The following KERA variants were observed in gnomAD, a reference collection of about 807,000 sequenced individuals.
The protein encoded by KERA is keratocan, also known as keratan sulfate proteoglycan keratocan.
Under a neutral mutation model 26.4 loss-of-function variants are expected in KERA, and 25 were observed. That is an observed-to-expected ratio of 0.95 (90% confidence interval 0.69 to 1.32). KERA has a LOEUF of 1.32. Among genes scored for constraint, KERA ranks in the 40% most tolerant of loss-of-function variants. KERA has a pLI of 0.00. For synonymous variants in KERA, 167 were observed against 146.1 expected (o/e 1.14, Z -1.03); for missense variants, 434 against 408.9 (o/e 1.06, Z -0.53).
rs1488458476 is a variant in KERA at position 91,056,013 on chromosome 12, G to A, written c.269C>T (p.Pro90Leu). The A allele has an allele frequency of 1.9e-6, 3 of 1,610,172 alleles. No homozygotes were observed. Among genetic ancestry groups the A allele is most frequent in the South Asian group, 1.1e-5 (1 of 90,874 alleles). ...NNLIETIPEK[P>L]FENATQLRWI... is the part of the protein sequence containing the mutation. Reference sequence around the variant, plus strand: ...TCTTAGCTGGGTGGCATTCTCAAATGGCTTTTCAGGAATGGTTTCTATCAG... The same window carrying A: ...TCTTAGCTGGGTGGCATTCTCAAATAGCTTTTCAGGAATGGTTTCTATCAG... Residue 90 changes from proline (P) to leucine (L), a missense_variant, in exon 2 of 3, where the codon CCA becomes CTA. Physicochemically the swap from Pro to Leu is moderately conservative, Grantham distance 98. Coordinates refer to ENST00000266719, the MANE Select transcript of KERA (RefSeq NM_007035.4).
At chr12:91,055,361 C>T (rs1267268327) in intron 2 of KERA, 35 bp downstream of exon 2, 1 of 1,567,856 alleles carries the variant, frequency 6.4e-7, no homozygotes, top group East Asian at 2.2e-5. Context: ...GACCATGAGC[C>T]CTTTAGTCAA....
chr12:91,053,319 T>A (rs1031891050), intron 2 of KERA, among the ~76,000 whole-genome samples: 4 of 151,386 alleles, frequency 2.6e-5, no homozygotes, highest in African/African-American at 9.7e-5. Context: ...TTTTTAAAAA[T>A]TTGTATTCAT....
Position 91,055,724 on chromosome 12 carries a change from G to A in KERA, c.558C>T (p.Asp186=), listed in dbSNP as rs762249896. ...TGAGATTCTTGAGTCCTTTAAAAGT[G>A]TCTCTTTGAAAGGCATTGTCCACTA... ...NKLVDNAFQR[D]TFKGLKNLMQ... is the part of the protein sequence containing the mutation. Residue 186 remains aspartate, a synonymous_variant, in exon 2 of 3, where the codon GAC becomes GAT. Transcript: ENST00000266719. 19 of 1,611,394 alleles carry A rather than the reference G, an allele frequency of 1.2e-5. No individual in the cohort carries two copies. The highest frequency in any genetic ancestry group is 1.6e-5 in the Non-Finnish European group (19 of 1,178,232).
intron 1 of KERA, among the ~76,000 whole-genome samples, chr12:91,057,221 A>G (rs1037311570): frequency 3.3e-5 from 5 of 150,356 alleles, no homozygotes; most frequent in African/African-American, 1.2e-4. Context: ...TGGATAATGG[A>G]AAGTAGGTTA....
rs138832075 is a variant in KERA, at chr12:91,055,952, G to A, written c.330C>T (p.Tyr110=). The A allele has an allele frequency of 1.1e-4, 182 of 1,610,948 alleles. No individual in the cohort carries two copies. Among genetic ancestry groups the A allele is most frequent in the African/African-American group, 1.1e-3 (82 of 74,714 alleles). The change falls in exon 2 of 3, where the codon TAC becomes TAT. Residue 110 remains tyrosine, a synonymous_variant. Transcript: ENST00000266719. ...INLNKNKITN[Y]GIEKGALSQL... ...GGCTTAGGGCTCCTTTTTCAATTCC[G>A]TAGTTGGTTATTTTGTTCTTGTTTA... is the stretch of plus-strand genomic sequence containing the variant.
rs1329908725 is a variant in KERA, at chr12:91,055,682, G to A, written c.600C>T (p.Ala200=). The A allele has an allele frequency of 9.3e-6, 15 of 1,611,304 alleles. No individual in the cohort carries two copies. Among genetic ancestry groups the A allele is most frequent in the Non-Finnish European group, 1.2e-5 (14 of 1,178,212 alleles). ...GAGGCATATTCCTCAGGGCATTCTTGGCCATGTTTAGCTGCATGAGATTCT... is the reference window on the plus strand; with the variant it reads ...GAGGCATATTCCTCAGGGCATTCTTAGCCATGTTTAGCTGCATGAGATTCT... ...GLKNLMQLNM[A]KNALRNMPPR... is the part of the protein sequence containing the mutation. Residue 200 remains alanine (A), a synonymous_variant, in exon 2 of 3, where the codon GCC becomes GCT. Transcript: ENST00000266719.
Position 91,055,961 on chromosome 12 carries a change from T to C in KERA, c.321A>G (p.Ile107Met), listed in dbSNP as rs1451070433. ...CTCCTTTTTCAATTCCGTAGTTGGTTATTTTGTTCTTGTTTAGATTTATCC... is the reference window on the plus strand; with the variant it reads ...CTCCTTTTTCAATTCCGTAGTTGGTCATTTTGTTCTTGTTTAGATTTATCC... ...LRWINLNKNK[I>M]TNYGIEKGAL... Residue 107 changes from isoleucine to methionine, a missense_variant, in exon 2 of 3, where the codon ATA becomes ATG. By Grantham distance (10) the Ile-to-Met change is conservative. Coordinates refer to ENST00000266719, the MANE Select transcript of KERA (RefSeq NM_007035.4). The C allele has an allele frequency of 1.2e-6, 2 of 1,611,144 alleles. No individual in the cohort carries two copies. The highest frequency in any genetic ancestry group is 4.5e-5 in the East Asian group (2 of 44,804).
Position 91,055,900 on chromosome 12 carries a change from G to T in KERA, c.382C>A (p.Leu128Met), listed in dbSNP as rs554112369. Reference sequence around the variant, plus strand: ...ACCTCCTCTAGCTCATTATCTTCCAGAAATAAGAAGAGCAACTTCTTCAGC... The same window carrying T: ...ACCTCCTCTAGCTCATTATCTTCCATAAATAAGAAGAGCAACTTCTTCAGC... The part of the protein sequence containing the change: ...SQLKKLLFLF[L>M]EDNELEEVPS... The change falls in exon 2 of 3, where the codon CTG becomes ATG. Residue 128 changes from leucine to methionine, a missense_variant. Coordinates refer to ENST00000266719, the MANE Select transcript of KERA (RefSeq NM_007035.4). 3 of 1,611,164 alleles carry T rather than the reference G, an allele frequency of 1.9e-6. No individual in the cohort carries two copies. The highest frequency in any genetic ancestry group is 2.2e-5 in the South Asian group (2 of 91,000).
chr12:91,055,297 G>A (rs1920775), intron 2 of KERA, 99 bp downstream of exon 2: 51,726 of 1,050,650 alleles, frequency 0.049, 1,648 homozygotes, highest in African/African-American at 0.12. Context: ...GAACATTAGC[G>A]GGGGAGGGGG....
At chr12:91,052,779 A>G (rs1045260005) in intron 2 of KERA, among the ~76,000 whole-genome samples, 5 of 151,528 alleles carry the variant, frequency 3.3e-5, no homozygotes, top group Admixed American at 6.6e-5. Flanking sequence ...TTCTAATTCT[A>G]CAATGTGTCT....
At chr12:91,054,581 A>G (rs938870910) in intron 2 of KERA, among the ~76,000 whole-genome samples, 5 of 149,218 alleles carry the variant, frequency 3.4e-5, no homozygotes, top group African/African-American at 7.5e-5. Flanking sequence ...TCTGCTTTCT[A>G]TAATCACTTC....
At chr12:91,053,731 G>C (rs1050374812) in intron 2 of KERA, among the ~76,000 whole-genome samples, 1 of 151,214 alleles carries the variant, frequency 6.6e-6, no homozygotes, top group African/African-American at 2.4e-5. Context: ...TAAAATGTGG[G>C]TCTATACTAC....
chr12:91,054,014 T>C (rs1878927618), intron 2 of KERA, among the ~76,000 whole-genome samples: 1 of 151,382 alleles, frequency 6.6e-6, no homozygotes, highest in Non-Finnish European at 1.5e-5. Flanking sequence ...TTCTATTTGA[T>C]TCAGCTAAAC....
intron 2 of KERA, among the ~76,000 whole-genome samples, chr12:91,054,021 A>G (rs1193916175): frequency 1.3e-5 from 2 of 151,382 alleles, no homozygotes; most frequent in East Asian, 2.0e-4. Flanking sequence ...TGATTCAGCT[A>G]AACAGATTCA....
chr12:91,057,761 C>T lies in KERA; in HGVS notation c.-26G>A, dbSNP rs1367237370. The T allele has an allele frequency of 5.3e-5, 8 of 150,862 alleles. No homozygotes were observed. Among genetic ancestry groups the T allele is most frequent in the African/African-American group, 1.5e-4 (6 of 41,208 alleles). 9.3% of individuals were successfully genotyped at this position (150,862 alleles called of 1,614,324 possible). A position where few individuals can be genotyped will look rare whatever the true frequency, so the allele number is the denominator to read the frequency against. On this transcript the variant is annotated 5_prime_UTR_variant, in exon 1 of 3. Transcript: ENST00000266719. Reference sequence around the variant, plus strand: ...TAGTTTACCTTGCCTTCCAGGAATACACCGTTGAGTCCTGTGTCTCAGTCT... The same window carrying T: ...TAGTTTACCTTGCCTTCCAGGAATATACCGTTGAGTCCTGTGTCTCAGTCT...
intron 2 of KERA, 105 bp downstream of exon 2, chr12:91,055,291 A>T: frequency 2.0e-6 from 2 of 1,018,774 alleles, no homozygotes; most frequent in South Asian, 2.7e-5. Context: ...CTAAAGGAAC[A>T]TTAGCGGGGG....
intron 1 of KERA, 25 bp downstream of exon 1, chr12:91,057,719 T>A (rs1879051454): frequency 6.6e-6 from 1 of 150,770 alleles, no homozygotes; most frequent in Non-Finnish European, 1.5e-5. Flanking sequence ...ACTTTAAGAG[T>A]TTTTAAAAGT....
In KERA at chr12:91,051,240, C is replaced by T. The variant is rs751786934; in HGVS notation, c.*106G>A. The stretch of plus-strand genomic sequence containing the variant: ...ACACTGCACAAATGAAAATGGTGGC[C>T]GAGAGCAATGGGGAATATGACTTGT... On this transcript the variant is annotated 3_prime_UTR_variant, in exon 3 of 3. Coordinates refer to ENST00000266719, the MANE Select transcript of KERA (RefSeq NM_007035.4). 1.4e-4 allele frequency: 129 copies of T among 932,740 alleles called. No individual in the cohort carries two copies. The highest frequency in any genetic ancestry group is 1.9e-4 in the Non-Finnish European group (112 of 585,118). The allele number at this position is 932,740 out of a possible 1,614,324, so 57.8% of individuals were successfully genotyped here. A position where few individuals can be genotyped will look rare whatever the true frequency, so the allele number is the denominator to read the frequency against.
rs2120950513 is a variant in KERA, at chr12:91,050,810, A to G, written c.*536T>C. 1 of 154,260 alleles carries G rather than the reference A, an allele frequency of 6.5e-6. No homozygotes were observed. The highest frequency in any genetic ancestry group is 1.4e-5 in the Non-Finnish European group (1 of 69,082). 9.6% of individuals were successfully genotyped at this position (154,260 alleles called of 1,614,324 possible). A position where few individuals can be genotyped will look rare whatever the true frequency, so the allele number is the denominator to read the frequency against. ...AAATAACAAGAATTCTTTAGTGATG[A>G]AGTATTTGATTCATTCCATACCCAT... On this transcript the variant is annotated 3_prime_UTR_variant, in exon 3 of 3. Transcript: ENST00000266719.
Sources: gnomAD v4.1 joint callset for allele counts (sites outside exome capture counted in the v4.1 genomes callset) on GRCh38, gnomAD v4.1.1 for gene constraint, MANE v1.5 for transcripts, NCBI Gene and HGNC (gene_info 2026-07-23, HGNC 2026-07-21) for gene names.